The following FLNB variants were observed in gnomAD, a reference collection of about 807,000 sequenced individuals.
The protein encoded by FLNB is filamin-B.
FLNB carries 111 observed loss-of-function variants against 250.6 expected under a neutral mutation model. The observed-to-expected ratio is 0.44, with a 90% CI of 0.38 to 0.52. The LOEUF (loss-of-function observed/expected upper bound fraction) is 0.52. Among genes scored for constraint, FLNB ranks in the 20% least tolerant of loss-of-function variants. FLNB has a pLI of 0.00. For missense variants in FLNB, 2,869 were observed against 3,447.8 expected (o/e 0.83, Z 4.20); for synonymous variants, 1,302 against 1,372.1 (o/e 0.95, Z 1.13).
chr3:58,124,380 T>G lies in FLNB; in HGVS notation c.3773T>G (p.Leu1258Arg), dbSNP rs777219769. ...TTDFTVDSRP[L>R]TQVGGDHIKA... ...GACTTTACAGTTGACTCTCGGCCGC[T>G]GACCCAGGTTGGGGGTGACCACATC... The change falls in exon 22 of 46, where the codon CTG becomes CGG. Residue 1258 changes from leucine to arginine, a missense_variant. Physicochemically the swap from Leu to Arg is moderately radical, Grantham distance 102 (BLOSUM62 -2). This residue lies in a region of FLNB where 1,348 missense variants were observed against 1,466.7 expected (regional missense o/e 0.92). Transcript: ENST00000295956. The G allele has an allele frequency of 1.2e-6, 2 of 1,614,118 alleles. No individual in the cohort carries two copies. The highest frequency in any genetic ancestry group is 2.2e-5 in the East Asian group (1 of 44,902).
rs2097257659 is a variant in FLNB at position 58,105,192 on chromosome 3, A to G, written c.1723A>G (p.Ile575Val). The change falls in exon 11 of 46, where the codon ATT becomes GTT. Residue 575 changes from isoleucine to valine, a missense_variant. By Grantham distance (29) the Ile-to-Val change is conservative. This residue lies in a region of FLNB where 1,348 missense variants were observed against 1,466.7 expected (regional missense o/e 0.92). Transcript: ENST00000295956. ...GRSADFVVES[I>V]GSEVGSLGFA... is the part of the protein sequence containing the mutation. ...GTCAGCGGACTTCGTGGTAGAATCCATTGGCTCTGAAGTGGGGTCTCTGGG... is the reference window on the plus strand; with the variant it reads ...GTCAGCGGACTTCGTGGTAGAATCCGTTGGCTCTGAAGTGGGGTCTCTGGG... 8.7e-6 allele frequency: 14 copies of G among 1,614,026 alleles called. No homozygotes were observed. Among genetic ancestry groups the G allele is most frequent in the Admixed American group, 1.7e-5 (1 of 59,998 alleles).
At chr3:58,104,202 T>A in intron 10 of FLNB, 117 bp downstream of exon 10, 1 of 920,732 alleles carries the variant, frequency 1.1e-6, no homozygotes, top group Non-Finnish European at 1.6e-6. Flanking sequence ...TGAAAACTTT[T>A]TTTTTTTTTT....
intron 7 of FLNB, among the ~76,000 whole-genome samples, chr3:58,098,488 G>C (rs538370549): frequency 7.9e-5 from 12 of 152,140 alleles, no homozygotes; most frequent in Non-Finnish European, 1.3e-4. Flanking sequence ...GCGCCACCAT[G>C]CTTGGCTAAT....
chr3:58,144,150 A>G (rs1179347546), intron 32 of FLNB, among the ~76,000 whole-genome samples: 3 of 152,324 alleles, frequency 2.0e-5, no homozygotes, highest in African/African-American at 4.8e-5. Context: ...ACACATTCTC[A>G]TGGTTCAAAA....
chr3:58,109,029 T>G, intron 13 of FLNB, 150 bp from the exon 14 acceptor site: 2 of 840,750 alleles, frequency 2.4e-6, no homozygotes, highest in Non-Finnish European at 4.0e-6. Context: ...GTTGTCACCG[T>G]GTTGTGAAAA....
intron 38 of FLNB, chr3:58,150,689 TGG>T: frequency 9.0e-6 from 2 of 221,602 alleles, no homozygotes; most frequent in South Asian, 1.4e-4. Flanking sequence ...AGCCCTTTGG[TGG>T]TGAATTGTTC....
rs9880897 is a variant in FLNB, at chr3:58,171,241, G to T, written c.*479G>T. 0.017 allele frequency: 3,292 copies of T among 188,962 alleles called. 107 individuals carry two copies. The highest frequency in any genetic ancestry group is 0.073 in the African/African-American group (3,067 of 42,180). The allele number at this position is 188,962 out of a possible 1,614,324, so 11.7% of individuals were successfully genotyped here. ...AATCTCTTCCAGTGTCCGTGTTAAT[G>T]TATTTGGCTATTAGATCACTAGCAC... On this transcript the variant is annotated 3_prime_UTR_variant, in exon 46 of 46. Transcript: ENST00000295956. This position sits in a 1 kb window ranked among gnomAD's most constrained non-coding sequence, Gnocchi z 5.5.
rs754897884 is a variant in FLNB at position 58,134,619 on chromosome 3, C to T, written c.4518C>T (p.Pro1506=). Residue 1506 remains proline (P), a synonymous_variant, in exon 27 of 46, where the codon CCC becomes CCT. Coordinates refer to ENST00000295956, the MANE Select transcript of FLNB (RefSeq NM_001457.4). ...GTGTGTGTGTGTGTCTATCAAGTCC[C>T]TTCAAGGTCAAGGTCCTTCCCACAT... ...KYADEEIPRS[P]FKVKVLPTYD... is the part of the protein sequence containing the mutation. 1 of 1,614,066 alleles carries T rather than the reference C, an allele frequency of 6.2e-7. No homozygotes were observed.
At chr3:58,138,735 C>T (rs539498453) in intron 29 of FLNB, among the ~76,000 whole-genome samples, 47 of 152,312 alleles carry the variant, frequency 3.1e-4, no homozygotes, top group African/African-American at 1.1e-3. Context: ...GGGAATCTTA[C>T]TGGCCACCAA....
At chr3:58,143,824 A>C (rs1353027345) in intron 32 of FLNB, among the ~76,000 whole-genome samples, 1 of 152,216 alleles carries the variant, frequency 6.6e-6, no homozygotes, top group Non-Finnish European at 1.5e-5. Flanking sequence ...CTTGGGTCAC[A>C]GTGCAGGCCT....
chr3:58,159,418 GC>G (rs1275281546), intron 41 of FLNB, 135 bp from the exon 42 acceptor site: 1 of 842,450 alleles, frequency 1.2e-6, no homozygotes, highest in Non-Finnish European at 2.0e-6. Context: ...TGGCTCACCT[GC>G]CCTTTGTTGT....
rs183899476 is a variant in FLNB, at chr3:58,015,099, G to A, written c.292+6243G>A. Among the ~76,000 whole-genome samples the A allele has an allele frequency of 1.2e-3, 179 of 152,260 alleles. 1 individual carries two copies. The highest frequency in any genetic ancestry group is 4.2e-3 in the African/African-American group (174 of 41,546). On this transcript the variant is annotated intron_variant, in intron 1 of 45. Coordinates refer to ENST00000295956, the MANE Select transcript of FLNB (RefSeq NM_001457.4). ...ATGTAGCCTAGTGATTCAGGGCCTC[G>A]GTCTGAAGCTAGACTGTCTGGATTC...
At chr3:58,162,297 A>G (rs774290790) in intron 42 of FLNB, among the ~76,000 whole-genome samples, 3 of 152,096 alleles carry the variant, frequency 2.0e-5, no homozygotes, top group Non-Finnish European at 4.4e-5. Flanking sequence ...CAGGCTCTGC[A>G]CCCTGGGCAG....
At position 58,172,087 on chromosome 3, in the gene FLNB, G is replaced by A. The variant is rs1043587484; in HGVS notation, c.*1325G>A. On this transcript the variant is annotated 3_prime_UTR_variant, in exon 46 of 46. Coordinates refer to ENST00000295956, the MANE Select transcript of FLNB (RefSeq NM_001457.4). ...TTGTGGCAGGTGTAGTATCTGGGGCGAGTGTTGGGGGTAAAAGCCCACCCT... is the reference window on the plus strand; with the variant it reads ...TTGTGGCAGGTGTAGTATCTGGGGCAAGTGTTGGGGGTAAAAGCCCACCCT... 3.3e-5 allele frequency: 5 copies of A among 152,350 alleles called. No individual in the cohort carries two copies. The highest frequency in any genetic ancestry group is 4.8e-5 in the African/African-American group (2 of 41,490). 9.4% of individuals were successfully genotyped at this position (152,350 alleles called of 1,614,324 possible).
intron 10 of FLNB, 62 bp from the exon 11 acceptor site, chr3:58,105,018 A>T: frequency 6.2e-7 from 1 of 1,604,856 alleles, no homozygotes; most frequent in Non-Finnish European, 8.5e-7. Context: ...ACTGCAGCTT[A>T]TGGCTATAGT....
rs2107212252 is a variant in FLNB, at chr3:58,132,847, G to GCA, written c.4439_4440dup (p.Val1481GlnfsTer2). ...GTGAACGTGGTGGACAATGGAGATGGCACACACACAGTAACCTACACCCCA... is the reference window on the plus strand; with the variant it reads ...GTGAACGTGGTGGACAATGGAGATGGCACACACACACAGTAACCTACACCCCA... On this transcript the variant is annotated frameshift_variant, in exon 26 of 46. Coordinates refer to ENST00000295956, the MANE Select transcript of FLNB (RefSeq NM_001457.4). LOFTEE classifies it high-confidence loss of function. The GCA allele has an allele frequency of 6.2e-7, 1 of 1,613,838 alleles. No individual in the cohort carries two copies. Among genetic ancestry groups the GCA allele is most frequent in the Non-Finnish European group, 8.5e-7 (1 of 1,179,868 alleles).
chr3:58,068,600 C>G (rs1291106212), intron 1 of FLNB, among the ~76,000 whole-genome samples: 1 of 147,416 alleles, frequency 6.8e-6, no homozygotes, highest in Admixed American at 6.7e-5. Context: ...ACAGCTGAAG[C>G]CTACAATTCA....
At chr3:58,105,901 T>A (rs896819282) in intron 11 of FLNB, among the ~76,000 whole-genome samples, 2 of 152,238 alleles carry the variant, frequency 1.3e-5, no homozygotes, top group Non-Finnish European at 1.5e-5. Context: ...CACATTTAAT[T>A]TTCCCTTCTA....
At chr3:58,070,952 G>GTT (rs530215007) in intron 1 of FLNB, among the ~76,000 whole-genome samples, 9 of 139,652 alleles carry the variant, frequency 6.4e-5, no homozygotes, top group African/African-American at 2.3e-4. Context: ...TCTCTCTCTT[G>GTT]TTTTTTTTTT....
Sources: allele counts gnomAD v4.1 joint callset (sites outside exome capture counted in the v4.1 genomes callset), GRCh38; gene constraint gnomAD v4.1.1; regional missense constraint gnomAD v4.1.1; non-coding constraint Gnocchi (gnomAD v3.1); transcripts MANE v1.5; gene names NCBI Gene and HGNC (gene_info 2026-07-23, HGNC 2026-07-21).